The following PDE11A variants were observed in gnomAD, a reference collection of about 807,000 sequenced individuals.
PDE11A encodes phosphodiesterase 11A, also known as dual 3',5'-cyclic-AMP and -GMP phosphodiesterase 11A.
In PDE11A, 100 loss-of-function variants were observed where a neutral mutation model predicts 100.5. The observed-to-expected ratio is 1.00, with a 90% CI of 0.85 to 1.18. PDE11A has a LOEUF of 1.18. Ranked by LOEUF, PDE11A falls within the 50% of genes most tolerant of loss-of-function variation. The pLI is 0.00. For synonymous variants in PDE11A, 381 were observed against 420.8 expected (o/e 0.91, Z 1.16); for missense variants, 1,141 against 1,152.6 (o/e 0.99, Z 0.15).
chr2:177,636,722 A>ATGG (rs2080043971), intron 19 of PDE11A, among the ~76,000 whole-genome samples: 1 of 152,116 alleles, frequency 6.6e-6, no homozygotes, highest in Admixed American at 6.5e-5. Flanking sequence ...ATAATTCTTT[A>ATGG]TGGTGGGGGC....
intron 2 of PDE11A, among the ~76,000 whole-genome samples, chr2:178,103,183 TGG>T (rs36092127): frequency 6.6e-6 from 1 of 151,522 alleles, no homozygotes. Flanking sequence ...ACATTTCCAG[TGG>T]GGGGGGAAGG....
chr2:177,813,554 G>A (rs1038207803), intron 9 of PDE11A, among the ~76,000 whole-genome samples: 14 of 152,048 alleles, frequency 9.2e-5, no homozygotes, highest in Non-Finnish European at 2.1e-4. Context: ...AGTCTTTCCA[G>A]GGAATATATA....
intron 1 of PDE11A, among the ~76,000 whole-genome samples, chr2:178,062,814 T>C (rs1212675859): frequency 6.6e-6 from 1 of 152,204 alleles, no homozygotes; most frequent in Admixed American, 6.5e-5. Flanking sequence ...AATGTAATGC[T>C]AGTATTAAAA....
At chr2:177,984,267 G>A (rs1045758774) in intron 2 of PDE11A, among the ~76,000 whole-genome samples, 19 of 152,164 alleles carry the variant, frequency 1.2e-4, no homozygotes, top group African/African-American at 4.6e-4. Context: ...GAAATTGCTT[G>A]CTCTTGTAAA....
chr2:177,984,141 T>A (rs1178284377), intron 2 of PDE11A, among the ~76,000 whole-genome samples: 1 of 152,172 alleles, frequency 6.6e-6, no homozygotes, highest in Non-Finnish European at 1.5e-5. Flanking sequence ...ATATAAAAAT[T>A]TGAAACGTAG....
chr2:177,967,341 C>A (rs1186138518), intron 2 of PDE11A, among the ~76,000 whole-genome samples: 5 of 151,380 alleles, frequency 3.3e-5, no homozygotes, highest in African/African-American at 7.3e-5. Flanking sequence ...GGATTACAAG[C>A]ATGTACCACC....
intron 12 of PDE11A, 28 bp downstream of exon 12, chr2:177,727,630 A>G: frequency 8.0e-7 from 1 of 1,249,582 alleles, no homozygotes; most frequent in Non-Finnish European, 1.2e-6. Context: ...ATGAGAAATG[A>G]TCTTCCACCA....
chr2:178,084,013 A>T (rs1016173644), intron 2 of PDE11A, among the ~76,000 whole-genome samples: 1 of 152,216 alleles, frequency 6.6e-6, no homozygotes, highest in Non-Finnish European at 1.5e-5. Context: ...GTTCATATAT[A>T]CACAAATATA....
chr2:177,850,302 T>G (rs2083678856), intron 5 of PDE11A, among the ~76,000 whole-genome samples: 1 of 152,200 alleles, frequency 6.6e-6, no homozygotes, highest in Non-Finnish European at 1.5e-5. Context: ...CCCTATTTAA[T>G]AAATGGTGCT....
intron 10 of PDE11A, among the ~76,000 whole-genome samples, chr2:177,738,860 G>C (rs3754993): frequency 0.68 from 102,961 of 152,176 alleles, 37,607 homozygotes; most frequent in East Asian, 0.86. Flanking sequence ...AAATGAAGCT[G>C]TCTGGAAACA....
intron 2 of PDE11A, among the ~76,000 whole-genome samples, chr2:178,085,821 G>A (rs752510504): frequency 5.3e-5 from 8 of 152,118 alleles, no homozygotes; most frequent in East Asian, 3.8e-4. Flanking sequence ...ACTCAGTACC[G>A]GGGCAAAGAA....
At chr2:177,777,679 A>G (rs1013545791) in intron 9 of PDE11A, among the ~76,000 whole-genome samples, 57 of 152,342 alleles carry the variant, frequency 3.7e-4, no homozygotes, top group African/African-American at 1.3e-3. Flanking sequence ...AGTTTTGAAG[A>G]AAGAGGCATT....
At chr2:178,095,990 C>T (rs1226267710) in intron 2 of PDE11A, among the ~76,000 whole-genome samples, 4 of 152,112 alleles carry the variant, frequency 2.6e-5, no homozygotes, top group African/African-American at 9.7e-5. Context: ...ATTTTTCCCA[C>T]CTAGGTCTCA....
At chr2:178,000,808 G>A (rs1419539801) in intron 2 of PDE11A, among the ~76,000 whole-genome samples, 2 of 152,058 alleles carry the variant, frequency 1.3e-5, no homozygotes, top group African/African-American at 2.4e-5. Context: ...TGTTTTCCTC[G>A]TGTCAAGTAC....
chr2:177,928,515 G>GAC, intron 2 of PDE11A, among the ~76,000 whole-genome samples: 1 of 8,534 alleles, frequency 1.2e-4, no homozygotes, highest in South Asian at 0.038. Context: ...GAGAAAGAGA[G>GAC]ACAGAGAGAG....
At chr2:177,986,691 C>T (rs368055652) in intron 2 of PDE11A, among the ~76,000 whole-genome samples, 131 of 151,968 alleles carry the variant, frequency 8.6e-4, no homozygotes, top group African/African-American at 3.0e-3. Context: ...ATTAGCTGGG[C>T]GTGGTGGCGG....
At chr2:177,674,159 C>A (rs1362062057) in intron 17 of PDE11A, among the ~76,000 whole-genome samples, 1 of 152,188 alleles carries the variant, frequency 6.6e-6, no homozygotes, top group Admixed American at 6.5e-5. Flanking sequence ...AGAATCTATA[C>A]CTAGCTCTGC....
In PDE11A at chr2:177,673,146, G is replaced by T. The variant is rs181229576; in HGVS notation, c.2487+2309C>A. On this transcript the variant is annotated intron_variant, in intron 17 of 19. Transcript: ENST00000286063. Reference sequence around the variant, plus strand: ...TTGTATGGAATGTGGATGTGGTTATGGGCAAATGGAAAGGACTTGAATCAA... The same window carrying T: ...TTGTATGGAATGTGGATGTGGTTATTGGCAAATGGAAAGGACTTGAATCAA... Among the ~76,000 whole-genome samples, 356 of 152,302 alleles carry T rather than the reference G, an allele frequency of 2.3e-3. 3 individuals are homozygous for T. The highest frequency in any genetic ancestry group is 8.4e-3 in the African/African-American group (349 of 41,570).
intron 3 of PDE11A, chr2:177,899,722 A>T (rs1044553636): frequency 1.1e-5 from 2 of 177,746 alleles, no homozygotes; most frequent in African/African-American, 4.9e-5. Context: ...AATATATATA[A>T]TATATACATA....
Sources: gnomAD v4.1 joint callset for allele counts (sites outside exome capture counted in the v4.1 genomes callset) on GRCh38, gnomAD v4.1.1 for gene constraint, MANE v1.5 for transcripts, NCBI Gene and HGNC (gene_info 2026-07-23, HGNC 2026-07-21) for gene names.